The following MRS2 variants were observed in gnomAD, a reference collection of about 807,000 sequenced individuals.
MRS2 encodes magnesium transporter MRS2 homolog, mitochondrial.
Under a neutral mutation model 52.6 loss-of-function variants are expected in MRS2, and 40 were observed. The ratio of observed to expected loss-of-function variants is 0.76; its 90% CI spans 0.59 to 0.99. The LOEUF is 0.99. Among genes scored for constraint, MRS2 ranks in the 50% least tolerant of loss-of-function variants. The pLI is 0.00. For synonymous variants in MRS2, 193 were observed against 195.9 expected (o/e 0.98, Z 0.13); for missense variants, 472 against 532.7 (o/e 0.89, Z 1.12).
At chr6:24,404,941 T>G (rs191850175) in intron 1 of MRS2, among the ~76,000 whole-genome samples, 2 of 152,358 alleles carry the variant, frequency 1.3e-5, no homozygotes, top group East Asian at 3.9e-4. Flanking sequence ...ATCAGTTATT[T>G]TAATGCCTCA....
At chr6:24,409,262 T>G (rs139397834) in intron 3 of MRS2, among the ~76,000 whole-genome samples, 199 bp from the exon 4 acceptor site, 1,587 of 152,292 alleles carry the variant, frequency 0.01, 13 homozygotes, top group South Asian at 0.018. Context: ...GAGGTATAGA[T>G]AAGAAAATCA....
In MRS2 at chr6:24,403,054, G is replaced by A. The variant is rs374658611; in HGVS notation, c.8G>A (p.Cys3Tyr). 6.2e-7 allele frequency: 1 copy of A among 1,605,624 alleles called. No homozygotes were observed. The highest frequency in any genetic ancestry group is 8.5e-7 in the Non-Finnish European group (1 of 1,177,130). Reference protein sequence around the residue: MECLRSLPCLLPR... With the variant: MEYLRSLPCLLPR... ...GCTTCTTGCTCCAGCACCATGGAAT[G>A]CCTGCGCAGTTTACCCTGCCTCCTG... Residue 3 changes from cysteine (C) to tyrosine (Y), a missense_variant, in exon 1 of 11, where the codon TGC (cysteine) becomes TAC (tyrosine). Physicochemically the swap from Cys to Tyr is radical, Grantham distance 194. Coordinates refer to ENST00000378386, the MANE Select transcript of MRS2 (RefSeq NM_020662.4).
intron 9 of MRS2, among the ~76,000 whole-genome samples, chr6:24,420,568 G>A (rs1381725866): frequency 6.6e-6 from 1 of 152,196 alleles, no homozygotes. Context: ...TATTGTAGTG[G>A]AGGAGAGAGT....
In MRS2 at chr6:24,415,047, G is replaced by T. The variant is rs774655394; in HGVS notation, c.603G>T (p.Gln201His). ...TTGTTATCTAGATCAACACCCTTCA[G>T]GGGAAACTTAGCATTTTGCAGCCAC... ...ALLQYWINTL[Q>H]GKLSILQPLI... Residue 201 changes from glutamine to histidine, a missense_variant, in exon 6 of 11, where the codon CAG (glutamine) becomes CAT (histidine). By Grantham distance (24) the Gln-to-His change is conservative. Coordinates refer to ENST00000378386, the MANE Select transcript of MRS2 (RefSeq NM_020662.4). 1.4e-5 allele frequency: 22 copies of T among 1,609,666 alleles called. No homozygotes were observed. In the Admixed American group the frequency reaches 3.5e-4, roughly 26 times the overall value.
In MRS2 at chr6:24,418,111, T is replaced by C. The variant is rs554666112; in HGVS notation, c.864T>C (p.His288=). ...AAAAGAGCAGTGCTGGGATTGACCA[T>C]GCAGAAGAGATGGAGTTGCTGTTGG... The part of the protein sequence containing the change: ...VFEKSSAGID[H]AEEMELLLEN... Residue 288 remains histidine (H), a synonymous_variant, in exon 8 of 11, where the codon CAT becomes CAC. Transcript: ENST00000378386. 9.3e-6 allele frequency: 15 copies of C among 1,613,402 alleles called. No individual in the cohort carries two copies. In the African/African-American group the frequency reaches 1.9e-4, roughly 20 times the overall value.
chr6:24,422,892 G>A (rs201175565), intron 9 of MRS2, 45 bp from the exon 10 acceptor site: 49 of 1,328,718 alleles, frequency 3.7e-5, no homozygotes, highest in Non-Finnish European at 5.0e-5. Context: ...AATCTTCTAA[G>A]GAACCTGGCG....
Position 24,407,403 on chromosome 6 carries a change from C to T in MRS2, c.265-1005C>T, listed in dbSNP as rs368088120. On this transcript the variant is annotated intron_variant, in intron 2 of 10. Transcript: ENST00000378386. ...GTGAGTTTTTATTGTGTGATTAACA[C>T]AGCATGTATATTTCCATGGTAGTAA... 3.9e-5 allele frequency among the ~76,000 whole-genome samples: 6 copies of T among 152,228 alleles called. No individual in the cohort carries two copies. The East Asian group carries it at 9.6e-4, about 24-fold the overall frequency.
intron 9 of MRS2, 74 bp from the exon 10 acceptor site, chr6:24,422,863 G>A: frequency 4.0e-6 from 4 of 992,382 alleles, no homozygotes; most frequent in Non-Finnish European, 6.2e-6. Context: ...TCAAACTCTG[G>A]GGCAGTAACA....
chr6:24,405,789 C>CTTTAA (rs1761451279), intron 2 of MRS2, among the ~76,000 whole-genome samples: 2 of 109,908 alleles, frequency 1.8e-5, no homozygotes, highest in Non-Finnish European at 1.9e-5. Flanking sequence ...TTTTTTTTTC[C>CTTTAA]AAAAAAAAAA....
intron 2 of MRS2, among the ~76,000 whole-genome samples, chr6:24,406,976 ATTTTT>A (rs1205519025): frequency 6.6e-6 from 1 of 152,208 alleles, no homozygotes; most frequent in South Asian, 2.1e-4. Context: ...GATTTAAAAA[ATTTTT>A]TTAAGTTCCA....
rs35343432 is a variant in MRS2 at position 24,403,097 on chromosome 6, T to TC, written c.55dup (p.Arg19ProfsTer47). 1 of 1,612,410 alleles carries TC rather than the reference T, an allele frequency of 6.2e-7. No homozygotes were observed. The highest frequency in any genetic ancestry group is 8.5e-7 in the Non-Finnish European group (1 of 1,179,794). ...GCCTCCTGCCCCGCGCGATGAGACT[T>TC]CCCCGGCGGACGCTGTGTGCCCTGG... On this transcript the variant is annotated frameshift_variant, in exon 1 of 11. Coordinates refer to ENST00000378386, the MANE Select transcript of MRS2 (RefSeq NM_020662.4). LOFTEE classifies it high-confidence loss of function.
intron 2 of MRS2, among the ~76,000 whole-genome samples, chr6:24,406,774 C>CA (rs1761490204): frequency 6.6e-6 from 1 of 151,976 alleles, no homozygotes; most frequent in African/African-American, 2.4e-5. Context: ...GACTCTGTCT[C>CA]AAAAAAAGAA....
rs181428168 is a variant in MRS2 at position 24,418,321 on chromosome 6, G to A, written c.989+85G>A. 593 of 1,482,286 alleles carry A rather than the reference G, an allele frequency of 4.0e-4. 1 individual carries two copies. The African/African-American group carries it at 6.5e-3, about 16-fold the overall frequency. 91.8% of individuals were successfully genotyped at this position (1,482,286 alleles called of 1,614,324 possible). ...AAGGAAATATTTTGTGAGGAATTAC[G>A]CCATCATTATCATCTATACTACATT... On this transcript the variant is annotated intron_variant, in intron 8 of 10. Coordinates refer to ENST00000378386, the MANE Select transcript of MRS2 (RefSeq NM_020662.4).
chr6:24,420,213 G>A (rs1452399484), intron 9 of MRS2, among the ~76,000 whole-genome samples: 1 of 151,900 alleles, frequency 6.6e-6, no homozygotes, highest in East Asian at 1.9e-4. Context: ...TCAGATCCCC[G>A]TTTTGCTTAG....
Position 24,412,339 on chromosome 6 carries a change from G to T in MRS2, c.532G>T (p.Val178Phe). Residue 178 changes from valine (V) to phenylalanine (F), a missense_variant, in exon 5 of 11, where the codon GTT (valine) becomes TTT (phenylalanine). By Grantham distance (50) the Val-to-Phe change is conservative. Coordinates refer to ENST00000378386, the MANE Select transcript of MRS2 (RefSeq NM_020662.4). ...PSQLSGEGQLVTYPLPFEFRA... is the reference protein window; with the variant it reads ...PSQLSGEGQLFTYPLPFEFRA... ...ACAGTTGTCTGGAGAGGGTCAACTCGTTACATACCCTTTACCTTTTGAGTT... is the reference window on the plus strand; with the variant it reads ...ACAGTTGTCTGGAGAGGGTCAACTCTTTACATACCCTTTACCTTTTGAGTT... The T allele has an allele frequency of 6.3e-7, 1 of 1,596,882 alleles. No homozygotes were observed. Among genetic ancestry groups the T allele is most frequent in the Non-Finnish European group, 8.5e-7 (1 of 1,172,028 alleles).
chr6:24,418,095 G>T lies in MRS2; in HGVS notation c.848G>T (p.Ser283Ile), dbSNP rs1392396672. ...TCTTTTAATTGAAGTGAAAAGAGCAGTGCTGGGATTGACCATGCAGAAGAG... is the reference window on the plus strand; with the variant it reads ...TCTTTTAATTGAAGTGAAAAGAGCATTGCTGGGATTGACCATGCAGAAGAG... Reference protein sequence around the residue: ...WSDPQVFEKSSAGIDHAEEME... With the variant: ...WSDPQVFEKSIAGIDHAEEME... The change falls in exon 8 of 11, where the codon AGT becomes ATT. Residue 283 changes from serine to isoleucine, a missense_variant. By Grantham distance (142) the Ser-to-Ile change is moderately radical (BLOSUM62 -2). Transcript: ENST00000378386. 1.9e-6 allele frequency: 3 copies of T among 1,611,920 alleles called. No homozygotes were observed. The highest frequency in any genetic ancestry group is 2.5e-6 in the Non-Finnish European group (3 of 1,179,424).
At chr6:24,422,486 G>A (rs906513198) in intron 9 of MRS2, among the ~76,000 whole-genome samples, 1 of 152,110 alleles carries the variant, frequency 6.6e-6, no homozygotes, top group Non-Finnish European at 1.5e-5. Flanking sequence ...AGTATCGGAA[G>A]ACAAAAAATT....
intron 9 of MRS2, among the ~76,000 whole-genome samples, chr6:24,420,037 T>TGTAA (rs1219620732): frequency 6.6e-6 from 1 of 152,206 alleles, no homozygotes; most frequent in African/African-American, 2.4e-5. Context: ...CTTTATAAGA[T>TGTAA]GTAAGTATTA....
chr6:24,405,759 C>T (rs79803898), intron 2 of MRS2, among the ~76,000 whole-genome samples: 4,076 of 129,948 alleles, frequency 0.031, 200 homozygotes, highest in African/African-American at 0.11. Flanking sequence ...AATATTCTTG[C>T]AACTTCTTTG....
Sources: allele counts gnomAD v4.1 joint callset (sites outside exome capture counted in the v4.1 genomes callset), GRCh38; gene constraint gnomAD v4.1.1; transcripts MANE v1.5; gene names NCBI Gene and HGNC (gene_info 2026-07-23, HGNC 2026-07-21).